Variants in GNB4 observed in about 807,000 individuals in gnomAD.
The protein encoded by GNB4 is G protein subunit beta 4, also known as guanine nucleotide-binding protein subunit beta-4.
Under a neutral mutation model 45.2 loss-of-function variants are expected in GNB4, and 28 were observed. The ratio of observed to expected loss-of-function variants is 0.62; its 90% CI spans 0.46 to 0.85. The LOEUF (loss-of-function observed/expected upper bound fraction) is 0.85. Ranked by LOEUF, GNB4 falls within the 40% of genes least tolerant of loss-of-function variation. The pLI is 0.00. For synonymous variants in GNB4, 132 were observed against 143.7 expected (o/e 0.92, Z 0.58); for missense variants, 321 against 425.4 (o/e 0.75, Z 2.16).
At chr3:179,424,058 G>T (rs910637573) in intron 2 of GNB4, among the ~76,000 whole-genome samples, 8 of 152,192 alleles carry the variant, frequency 5.3e-5, no homozygotes, top group African/African-American at 1.7e-4. Flanking sequence ...TCGCAGGAAA[G>T]GACATTAGTA....
At chr3:179,430,960 G>C (rs60912364) in intron 1 of GNB4, among the ~76,000 whole-genome samples, 17 of 151,990 alleles carry the variant, frequency 1.1e-4, no homozygotes, top group Admixed American at 7.9e-4. Context: ...TGTTTTTGCT[G>C]AAGTATTTTA....
the GNB4 span, among the ~76,000 whole-genome samples, chr3:179,480,781 T>C: frequency 6.6e-6 from 1 of 152,190 alleles, no homozygotes; most frequent in Non-Finnish European, 1.5e-5. Flanking sequence ...AGTCTCTACC[T>C]GATTTTCAGA....
At chr3:179,456,569 CTT>C in the GNB4 span, among the ~76,000 whole-genome samples, 1 of 152,142 alleles carries the variant, frequency 6.6e-6, no homozygotes, top group Non-Finnish European at 1.5e-5. Context: ...GATTTTAAAA[CTT>C]ATACTGTAAA....
At chr3:179,449,347 G>A (rs1312574905) in intron 1 of GNB4, among the ~76,000 whole-genome samples, 1 of 152,228 alleles carries the variant, frequency 6.6e-6, no homozygotes, top group African/African-American at 2.4e-5. Flanking sequence ...GGTGAGAAGA[G>A]AATGGCTGAT....
the GNB4 span, among the ~76,000 whole-genome samples, chr3:179,487,589 G>A: frequency 6.6e-6 from 1 of 152,054 alleles, no homozygotes; most frequent in Non-Finnish European, 1.5e-5. Context: ...AATAAGATAC[G>A]AAATTATAAA....
the GNB4 span, among the ~76,000 whole-genome samples, chr3:179,493,731 A>G: frequency 6.6e-6 from 1 of 152,194 alleles, no homozygotes; most frequent in Non-Finnish European, 1.5e-5. Context: ...CAAGTGGAGG[A>G]AGAAGTGAAT....
At chr3:179,458,731 T>A in the GNB4 span, among the ~76,000 whole-genome samples, 25 of 152,344 alleles carry the variant, frequency 1.6e-4, no homozygotes, top group Admixed American at 1.0e-3. Flanking sequence ...GCTGTGTTTT[T>A]AAATTTTTAT....
intron 9 of GNB4, 151 bp downstream of exon 9, chr3:179,405,039 A>G: frequency 1.8e-6 from 1 of 554,920 alleles, no homozygotes. Flanking sequence ...TTATAACCAC[A>G]AACAAAAGGT....
At chr3:179,483,021 A>G in the GNB4 span, among the ~76,000 whole-genome samples, 1 of 152,224 alleles carries the variant, frequency 6.6e-6, no homozygotes, top group African/African-American at 2.4e-5. Context: ...GCTCTGATTT[A>G]TGATAATAAA....
chr3:179,468,035 A>AT, the GNB4 span, among the ~76,000 whole-genome samples: 1 of 89,852 alleles, frequency 1.1e-5, no homozygotes, highest in Admixed American at 1.1e-4. Context: ...TGTTGATAAA[A>AT]ATATATATAT....
At chr3:179,429,615 C>A (rs967578789) in intron 1 of GNB4, among the ~76,000 whole-genome samples, 3 of 152,188 alleles carry the variant, frequency 2.0e-5, no homozygotes, top group Non-Finnish European at 2.9e-5. Flanking sequence ...GAACTTCAAG[C>A]CTTTTCACAG....
the GNB4 span, among the ~76,000 whole-genome samples, chr3:179,461,021 G>A: frequency 6.6e-6 from 1 of 151,962 alleles, no homozygotes; most frequent in South Asian, 2.1e-4. Flanking sequence ...AATTCCACCT[G>A]TGTCCAGGGG....
chr3:179,438,937 G>A (rs1715528207), intron 1 of GNB4, among the ~76,000 whole-genome samples: 1 of 152,148 alleles, frequency 6.6e-6, no homozygotes, highest in Non-Finnish European at 1.5e-5. Context: ...CTAAGGCCTT[G>A]ACTCTTCAAG....
chr3:179,494,114 C>A, the GNB4 span, among the ~76,000 whole-genome samples: 1 of 152,190 alleles, frequency 6.6e-6, no homozygotes, highest in Non-Finnish European at 1.5e-5. Context: ...ACCCACCTAG[C>A]TCATAACCAA....
chr3:179,417,996 C>G (rs1714852144), intron 4 of GNB4, among the ~76,000 whole-genome samples: 1 of 152,084 alleles, frequency 6.6e-6, no homozygotes, highest in Non-Finnish European at 1.5e-5. Context: ...GGTGGGAAGA[C>G]TATGTGAGAT....
chr3:179,426,092 T>C lies in GNB4; in HGVS notation c.57+52A>G, dbSNP rs1360905525. On this transcript the variant is annotated intron_variant, in intron 2 of 9. Coordinates refer to ENST00000232564, the MANE Select transcript of GNB4 (RefSeq NM_021629.4). ...CTGATAAACTAATAGGCAAATTTTGTAGATTCCTGGTACTAAATAAGTGCT... is the reference window on the plus strand; with the variant it reads ...CTGATAAACTAATAGGCAAATTTTGCAGATTCCTGGTACTAAATAAGTGCT... 2.8e-6 allele frequency: 4 copies of C among 1,424,936 alleles called. No homozygotes were observed. The African/African-American group carries it at 5.7e-5, about 20-fold the overall frequency. The allele number at this position is 1,424,936 out of a possible 1,614,324, so 88.3% of individuals were successfully genotyped here. A position where few individuals can be genotyped will look rare whatever the true frequency, so the allele number is the denominator to read the frequency against.
At chr3:179,410,154 T>C (rs943612926) in intron 8 of GNB4, among the ~76,000 whole-genome samples, 2 of 152,224 alleles carry the variant, frequency 1.3e-5, no homozygotes, top group Non-Finnish European at 2.9e-5. Context: ...ACTGTGAGTC[T>C]ATTAAACCTC....
intron 8 of GNB4, among the ~76,000 whole-genome samples, chr3:179,407,625 G>C (rs1195229125): frequency 1.3e-5 from 2 of 152,178 alleles, no homozygotes; most frequent in African/African-American, 4.8e-5. Context: ...GGGAATCCAA[G>C]AAGTCCACAG....
chr3:179,470,689 C>T, the GNB4 span, among the ~76,000 whole-genome samples: 2 of 151,762 alleles, frequency 1.3e-5, no homozygotes, highest in Non-Finnish European at 2.9e-5. Context: ...GGACTACAGG[C>T]ACGTGCCACC....
Sources: gnomAD v4.1 joint callset for allele counts (sites outside exome capture counted in the v4.1 genomes callset) on GRCh38, gnomAD v4.1.1 for gene constraint, MANE v1.5 for transcripts, NCBI Gene and HGNC (gene_info 2026-07-23, HGNC 2026-07-21) for gene names.